The following ASIC2 variants were observed in gnomAD, a reference collection of about 807,000 sequenced individuals.
ASIC2 encodes acid-sensing ion channel 2.
ASIC2 carries 25 observed loss-of-function variants against 57.3 expected under a neutral mutation model. The observed-to-expected ratio is 0.44, with a 90% CI of 0.32 to 0.61. The LOEUF (loss-of-function observed/expected upper bound fraction) is 0.61. ASIC2 is among the 20% of genes least tolerant of loss of function. The pLI, the probability that ASIC2 is intolerant of heterozygous loss-of-function variation, is 0.06. For missense variants in ASIC2, 641 were observed against 738.1 expected, an observed-to-expected ratio of 0.87 and a Z score of 1.52; for synonymous variants, 319 against 307.5, an observed-to-expected ratio of 1.04 and a Z score of -0.39.
chr17:33,978,738 C>G (rs1274246893), intron 1 of ASIC2, among the ~76,000 whole-genome samples: 2 of 152,162 alleles, frequency 1.3e-5, no homozygotes. Context: ...CTGCAGATGC[C>G]TCCAACCCTG....
intron 1 of ASIC2, among the ~76,000 whole-genome samples, chr17:33,780,228 C>T (rs968829180): frequency 6.6e-6 from 1 of 152,080 alleles, no homozygotes; most frequent in African/African-American, 2.4e-5. Context: ...GCCTTGGCTT[C>T]CCAAAGTGCT....
chr17:33,140,673 A>C (rs1303021295), intron 1 of ASIC2, among the ~76,000 whole-genome samples: 1 of 152,162 alleles, frequency 6.6e-6, no homozygotes, highest in Non-Finnish European at 1.5e-5. Context: ...CCCACAGGGG[A>C]CCTGATTTGG....
intron 1 of ASIC2, among the ~76,000 whole-genome samples, chr17:34,099,115 AGAGAGAGAGAGAGAG>A (rs1910662128): frequency 2.0e-4 from 6 of 29,622 alleles, no homozygotes; most frequent in South Asian, 2.0e-3. Flanking sequence ...AGAGAGAGAG[AGAGAGAGAGAGAGAG>A]AGAGAGAGAG....
At chr17:33,913,102 A>C (rs1597927379) in intron 1 of ASIC2, among the ~76,000 whole-genome samples, 1 of 148,366 alleles carries the variant, frequency 6.7e-6, no homozygotes, top group Admixed American at 6.7e-5. Context: ...CCCCCCCGCC[A>C]ATTTCTGCCA....
chr17:33,755,987 T>A (rs2142108562), intron 1 of ASIC2, among the ~76,000 whole-genome samples: 1 of 152,314 alleles, frequency 6.6e-6, no homozygotes, highest in East Asian at 1.9e-4. Context: ...CCGGGAACAT[T>A]TGCTCCAATC....
At chr17:34,085,142 T>A (rs1910059380) in intron 1 of ASIC2, among the ~76,000 whole-genome samples, 1 of 152,214 alleles carries the variant, frequency 6.6e-6, no homozygotes, top group South Asian at 2.1e-4. Context: ...TGCTTCCAGT[T>A]TTTGCCCATT....
At chr17:33,047,971 G>GA (rs1413147458) in intron 3 of ASIC2, among the ~76,000 whole-genome samples, 1 of 152,152 alleles carries the variant, frequency 6.6e-6, no homozygotes, top group African/African-American at 2.4e-5. Context: ...TTCATATATT[G>GA]AAGCCCTTAC....
At chr17:33,875,491 C>T (rs1284617204) in intron 1 of ASIC2, among the ~76,000 whole-genome samples, 1 of 152,140 alleles carries the variant, frequency 6.6e-6, no homozygotes, top group Non-Finnish European at 1.5e-5. Flanking sequence ...GGTTTTTAGG[C>T]CACTGCCCCT....
chr17:33,905,038 G>T (rs1173657593), intron 1 of ASIC2, among the ~76,000 whole-genome samples: 3 of 151,452 alleles, frequency 2.0e-5, no homozygotes, highest in African/African-American at 4.9e-5. Context: ...CACAGGCTTG[G>T]TATTCCATCA....
chr17:34,016,185 G>C (rs751530807), intron 1 of ASIC2, among the ~76,000 whole-genome samples: 24 of 152,090 alleles, frequency 1.6e-4, no homozygotes, highest in Admixed American at 4.6e-4. Flanking sequence ...AGCACTTTGG[G>C]AGGCCGAGGC....
intron 1 of ASIC2, among the ~76,000 whole-genome samples, chr17:33,523,972 C>T (rs1914817043): frequency 6.6e-6 from 1 of 152,190 alleles, no homozygotes; most frequent in Non-Finnish European, 1.5e-5. Flanking sequence ...CTTCGGATGA[C>T]CCCTGGGCCT....
chr17:33,843,512 T>C (rs1448416814), intron 1 of ASIC2, among the ~76,000 whole-genome samples: 3 of 152,210 alleles, frequency 2.0e-5, no homozygotes. Context: ...GATGAGATTG[T>C]TTTGATAAAC....
intron 1 of ASIC2, among the ~76,000 whole-genome samples, chr17:33,625,289 A>G (rs1451750645): frequency 6.6e-6 from 1 of 152,152 alleles, no homozygotes; most frequent in African/African-American, 2.4e-5. Context: ...AGTCAGCTTC[A>G]TGTTGTAAAG....
At chr17:33,443,572 C>T (rs929877315) in intron 1 of ASIC2, among the ~76,000 whole-genome samples, 7 of 73,256 alleles carry the variant, frequency 9.6e-5, no homozygotes, top group African/African-American at 2.7e-4. Context: ...CGCCACTACG[C>T]CCGGCTAATT....
intron 1 of ASIC2, among the ~76,000 whole-genome samples, chr17:33,385,725 A>G (rs1480861976): frequency 6.6e-6 from 1 of 152,190 alleles, no homozygotes; most frequent in Non-Finnish European, 1.5e-5. Flanking sequence ...TGAAGCTGAG[A>G]AGAAAGAAGT....
chr17:33,610,228 G>T (rs1319949182), intron 1 of ASIC2, among the ~76,000 whole-genome samples: 1 of 152,156 alleles, frequency 6.6e-6, no homozygotes, highest in Admixed American at 6.5e-5. Flanking sequence ...CACGATCTCG[G>T]CTTACTGTAA....
At chr17:34,019,003 G>GT in intron 1 of ASIC2, among the ~76,000 whole-genome samples, 1 of 152,234 alleles carries the variant, frequency 6.6e-6, no homozygotes, top group South Asian at 2.1e-4. Context: ...CACCTCCCAG[G>GT]TTCATGCCAT....
chr17:33,606,165 A>C (rs1429131205), intron 1 of ASIC2, among the ~76,000 whole-genome samples: 1 of 152,212 alleles, frequency 6.6e-6, no homozygotes, highest in Non-Finnish European at 1.5e-5. Context: ...CAGACAGCGG[A>C]CCCAGGGGCC....
In ASIC2 at chr17:33,810,684, T is replaced by A. The variant is rs182406151; in HGVS notation, c.555+345294A>T. On this transcript the variant is annotated intron_variant, in intron 1 of 9. Transcript: ENST00000359872. Reference sequence around the variant, plus strand: ...TTTGTCTAAGTTCAAATTATGTGAGTTAGTGGTGAGTCCTGGGATCTTTTC... The same window carrying A: ...TTTGTCTAAGTTCAAATTATGTGAGATAGTGGTGAGTCCTGGGATCTTTTC... Among the ~76,000 whole-genome samples the A allele has an allele frequency of 2.5e-3, 382 of 152,222 alleles. 2 individuals carry two copies. Among genetic ancestry groups the A allele is most frequent in the Non-Finnish European group, 4.7e-3 (318 of 67,996 alleles).
Sources: allele counts gnomAD v4.1 joint callset (sites outside exome capture counted in the v4.1 genomes callset), GRCh38; gene constraint gnomAD v4.1.1; transcripts MANE v1.5; gene names NCBI Gene and HGNC (gene_info 2026-07-23, HGNC 2026-07-21).